Variants in S100Z observed in about 807,000 individuals in gnomAD.
The protein encoded by S100Z is protein S100-Z.
S100Z carries 11 observed loss-of-function variants against 8.5 expected under a neutral mutation model. The ratio of observed to expected loss-of-function variants is 1.30; its 90% CI spans 0.82 to 2.15. The LOEUF (loss-of-function observed/expected upper bound fraction) is 2.15. Ranked by LOEUF, S100Z falls within the 30% of genes most tolerant of loss-of-function variation. The pLI, the probability that S100Z is intolerant of heterozygous loss-of-function variation, is 0.00. For missense variants in S100Z, 126 were observed against 117.9 expected (o/e 1.07, Z -0.32); for synonymous variants, 34 against 43.8 (o/e 0.78, Z 0.89).
chr5:76,863,933 T>C (rs529561289), intron 1 of S100Z, among the ~76,000 whole-genome samples: 19 of 152,340 alleles, frequency 1.2e-4, no homozygotes, highest in African/African-American at 4.6e-4. Context: ...ATCTAGAATT[T>C]TATATGCTAA....
intron 1 of S100Z, among the ~76,000 whole-genome samples, chr5:76,863,858 G>T (rs146478232): frequency 6.6e-6 from 1 of 152,170 alleles, no homozygotes; most frequent in African/African-American, 2.4e-5. Flanking sequence ...TCTCTTGAAG[G>T]CTCCAGCACA....
At chr5:76,873,251 A>G (rs888717245) in intron 2 of S100Z, among the ~76,000 whole-genome samples, 2 of 152,092 alleles carry the variant, frequency 1.3e-5, no homozygotes. Context: ...TTACTATTTC[A>G]TACTCCTAAG....
chr5:76,897,293 T>A (rs965076787), intron 4 of S100Z, among the ~76,000 whole-genome samples: 1 of 151,704 alleles, frequency 6.6e-6, no homozygotes, highest in Admixed American at 6.6e-5. Context: ...ATACAAAAAA[T>A]TAGCCAGGTG....
the S100Z span, among the ~76,000 whole-genome samples, chr5:76,934,265 A>G: frequency 1.3e-5 from 2 of 152,208 alleles, no homozygotes; most frequent in Non-Finnish European, 2.9e-5. Context: ...CCCTACTAAG[A>G]TAATCCTTCT....
chr5:76,856,078 TG>T (rs1409671170), intron 1 of S100Z, among the ~76,000 whole-genome samples: 3 of 152,168 alleles, frequency 2.0e-5, no homozygotes, highest in African/African-American at 7.2e-5. Context: ...CCACATAAGA[TG>T]TGTCTGTTTC....
chr5:76,903,387 A>AT (rs1327865190), intron 4 of S100Z, among the ~76,000 whole-genome samples: 2 of 151,912 alleles, frequency 1.3e-5, no homozygotes, highest in Admixed American at 6.6e-5. Context: ...TTAATCTATG[A>AT]TTTTGTATAT....
At chr5:76,946,637 T>C in the S100Z span, among the ~76,000 whole-genome samples, 4 of 152,172 alleles carry the variant, frequency 2.6e-5, no homozygotes, top group Admixed American at 1.3e-4. Flanking sequence ...GAAAAACATA[T>C]CCTATGCATG....
intron 1 of S100Z, among the ~76,000 whole-genome samples, chr5:76,865,238 C>CTAT (rs1491513943): frequency 9.0e-6 from 1 of 110,652 alleles, no homozygotes. Flanking sequence ...TGTGTCCTAG[C>CTAT]TCTTTTTTTT....
At chr5:76,937,353 G>C in the S100Z span, among the ~76,000 whole-genome samples, 3 of 151,842 alleles carry the variant, frequency 2.0e-5, no homozygotes, top group Non-Finnish European at 2.9e-5. Flanking sequence ...TAAAGAACTA[G>C]AGTGATAGGA....
intron 4 of S100Z, among the ~76,000 whole-genome samples, chr5:76,911,946 A>G (rs1216125963): frequency 6.6e-6 from 1 of 152,104 alleles, no homozygotes; most frequent in Non-Finnish European, 1.5e-5. Context: ...ACTTCTCTTT[A>G]TACATCACAG....
chr5:76,867,214 A>G (rs943188948), intron 1 of S100Z, among the ~76,000 whole-genome samples: 2 of 152,146 alleles, frequency 1.3e-5, no homozygotes, highest in African/African-American at 4.8e-5. Context: ...CATACTCACC[A>G]CCCTCAAAAG....
At chr5:76,881,562 G>A (rs1455350158) in intron 4 of S100Z, among the ~76,000 whole-genome samples, 3 of 152,158 alleles carry the variant, frequency 2.0e-5, no homozygotes, top group East Asian at 3.9e-4. Context: ...TTTCCATGAT[G>A]GAAAGGAAAT....
At position 76,853,290 on chromosome 5, in the gene S100Z, G is replaced by T. The variant is rs1579986911; in HGVS notation, c.-176+3135G>T. ...AGCAGTCATCTTGTGACTGTGCGGG[G>T]ACAAGTCAGAGATGAGAGCTGGCAC... On this transcript the variant is annotated intron_variant, in intron 1 of 4. Transcript: ENST00000317593. 3.9e-5 allele frequency among the ~76,000 whole-genome samples: 6 copies of T among 152,302 alleles called. 1 individual carries two copies. The South Asian group carries it at 1.2e-3, about 32-fold the overall frequency.
At chr5:76,867,752 T>C (rs1742820894) in intron 1 of S100Z, among the ~76,000 whole-genome samples, 1 of 152,032 alleles carries the variant, frequency 6.6e-6, no homozygotes, top group Non-Finnish European at 1.5e-5. Flanking sequence ...CGACTAATTT[T>C]TGTATTTTTA....
chr5:76,952,784 CA>C, the S100Z span: 1 of 256,048 alleles, frequency 3.9e-6, no homozygotes, highest in Non-Finnish European at 7.6e-6. Flanking sequence ...AGCAGGTCAA[CA>C]AAATGCACTC....
the S100Z span, among the ~76,000 whole-genome samples, chr5:76,939,622 C>T: frequency 3.3e-5 from 5 of 150,666 alleles, no homozygotes; most frequent in African/African-American, 1.2e-4. Context: ...AAGCAATTCT[C>T]CTGCCTCAGC....
intron 4 of S100Z, among the ~76,000 whole-genome samples, chr5:76,884,005 A>G (rs1407303271): frequency 2.0e-5 from 2 of 101,398 alleles, no homozygotes; most frequent in African/African-American, 1.0e-4. Flanking sequence ...CCTCTACTCT[A>G]TTATTGTACA....
At chr5:76,879,380 G>A (rs1743313128) in intron 4 of S100Z, among the ~76,000 whole-genome samples, 1 of 152,174 alleles carries the variant, frequency 6.6e-6, no homozygotes, top group Non-Finnish European at 1.5e-5. Context: ...CTGGTTATCT[G>A]GTTCTATTAC....
intron 3 of S100Z, among the ~76,000 whole-genome samples, chr5:76,875,724 T>C (rs1379372530): frequency 6.6e-6 from 1 of 152,188 alleles, no homozygotes; most frequent in Admixed American, 6.5e-5. Flanking sequence ...TTCTAAGTGG[T>C]AAAAATTGTA....
Sources: allele counts gnomAD v4.1 joint callset (sites outside exome capture counted in the v4.1 genomes callset), GRCh38; gene constraint gnomAD v4.1.1; transcripts MANE v1.5; gene names NCBI Gene and HGNC (gene_info 2026-07-23, HGNC 2026-07-21).